The following ZMIZ2 variants were observed in gnomAD, a reference collection of about 807,000 sequenced individuals.
ZMIZ2 encodes the protein zinc finger MIZ domain-containing protein 2.
A neutral mutation model predicts 93.9 loss-of-function variants in ZMIZ2; 26 were observed. The observed-to-expected ratio is 0.28, with a 90% confidence interval of 0.20 to 0.38. The LOEUF (loss-of-function observed/expected upper bound fraction) is 0.38. Among genes scored for constraint, ZMIZ2 ranks in the 10% least tolerant of loss-of-function variants. ZMIZ2 has a pLI of 1.00. For synonymous variants in ZMIZ2, 485 were observed against 516.4 expected (o/e 0.94, Z 0.82); for missense variants, 1,023 against 1,235.0 (o/e 0.83, Z 2.57).
Position 44,765,343 on chromosome 7 carries a change from A to G in ZMIZ2, c.2006A>G (p.Tyr669Cys), listed in dbSNP as rs959227673. ...GILIYIQNSDYEEITIDPTCS... is the reference protein window; with the variant it reads ...GILIYIQNSDCEEITIDPTCS... The stretch of plus-strand genomic sequence containing the variant: ...CACCTGTCCCTGCCCAGCTCTGACT[A>G]TGAGGAGATCACCATCGACCCCACG... The change falls in exon 16 of 19, where the codon TAT becomes TGT. Residue 669 changes from tyrosine to cysteine, a missense_variant. Physicochemically the swap from Tyr to Cys is radical, Grantham distance 194 (BLOSUM62 -2). Transcript: ENST00000309315. The surrounding 1 kb of genome is among the most constrained non-coding windows in gnomAD (Gnocchi z 4.1). 6.2e-7 allele frequency: 1 copy of G among 1,613,426 alleles called. No homozygotes were observed. The highest frequency in any genetic ancestry group is 1.3e-5 in the African/African-American group (1 of 75,022).
chr7:44,749,679 C>G (rs764167529), intron 1 of ZMIZ2: 1 of 152,528 alleles, frequency 6.6e-6, no homozygotes, highest in African/African-American at 2.4e-5. Flanking sequence ...TTGTTTACCC[C>G]TCCACCTACC....
At position 44,766,283 on chromosome 7, in the gene ZMIZ2, C is replaced by A; in HGVS notation, c.2362C>A (p.Pro788Thr). The A allele has an allele frequency of 6.4e-7, 1 of 1,572,524 alleles. No individual in the cohort carries two copies. The highest frequency in any genetic ancestry group is 8.7e-7 in the Non-Finnish European group (1 of 1,155,386). ...PPPISYQSDIPSSLLTSEKST... is the reference protein window; with the variant it reads ...PPPISYQSDITSSLLTSEKST... ...CCCCATCTCCTACCAGTCTGACATT[C>A]CCAGCAGCCTCCTGACTTCAGAGAA... Residue 788 changes from proline to threonine, a missense_variant, in exon 17 of 19, where the codon CCC becomes ACC. Transcript: ENST00000309315. The surrounding 1 kb of genome is among the most constrained non-coding windows in gnomAD (Gnocchi z 4.4).
intron 1 of ZMIZ2, among the ~76,000 whole-genome samples, chr7:44,752,924 G>A (rs1429757716): frequency 1.3e-5 from 2 of 152,232 alleles, no homozygotes; most frequent in Non-Finnish European, 2.9e-5. Context: ...AGTTCCATAT[G>A]ATACGGCCAG....
At chr7:44,757,639 C>T in intron 5 of ZMIZ2, 78 bp downstream of exon 5, 1 of 1,495,624 alleles carries the variant, frequency 6.7e-7, no homozygotes, top group Non-Finnish European at 8.9e-7. Context: ...AGACAGTGGG[C>T]TCCAGGGACA....
At chr7:44,750,949 G>A (rs1476621817) in intron 1 of ZMIZ2, 4 of 152,200 alleles carry the variant, frequency 2.6e-5, no homozygotes, top group African/African-American at 4.8e-5. Flanking sequence ...CACACACAAC[G>A]CAGAACACTA....
Position 44,766,260 on chromosome 7 carries a change from C to G in ZMIZ2, c.2339C>G (p.Pro780Arg), listed in dbSNP as rs1791696290. The change falls in exon 17 of 19, where the codon CCC (proline) becomes CGC (arginine). Residue 780 changes from proline to arginine, a missense_variant. Pro to Arg is a moderately radical substitution (Grantham distance 103, BLOSUM62 -2). This residue lies in a region of ZMIZ2 where 319 missense variants were observed against 358.8 expected (regional missense o/e 0.89). Transcript: ENST00000309315. This position sits in a 1 kb window ranked among gnomAD's most constrained non-coding sequence, Gnocchi z 4.4. ...GCTGAGTTCACCCCGGGACCACCCCCCATCTCCTACCAGTCTGACATTCCC... is the reference window on the plus strand; with the variant it reads ...GCTGAGTTCACCCCGGGACCACCCCGCATCTCCTACCAGTCTGACATTCCC... Reference protein sequence around the residue: ...TLAEFTPGPPPISYQSDIPSS... With the variant: ...TLAEFTPGPPRISYQSDIPSS... 6.3e-7 allele frequency: 1 copy of G among 1,599,800 alleles called. No individual in the cohort carries two copies. Among genetic ancestry groups the G allele is most frequent in the South Asian group, 1.1e-5 (1 of 88,644 alleles).
chr7:44,761,424 C>A lies in ZMIZ2; in HGVS notation c.1241-25C>A. 6.2e-7 allele frequency: 1 copy of A among 1,608,904 alleles called. No individual in the cohort carries two copies. Among genetic ancestry groups the A allele is most frequent in the Non-Finnish European group, 8.5e-7 (1 of 1,179,080 alleles). ...ACGCTCTGGCTGGGGCAACCCAGCT[C>A]ACAGCCAGTGGCCTCTGCTCCCAGG... is the stretch of plus-strand genomic sequence containing the variant. On this transcript the variant is annotated intron_variant, in intron 9 of 18. Transcript: ENST00000309315. This position sits in a 1 kb window ranked among gnomAD's most constrained non-coding sequence, Gnocchi z 5.8.
At chr7:44,756,618 T>C in intron 3 of ZMIZ2, 79 bp downstream of exon 3, 1 of 1,473,562 alleles carries the variant, frequency 6.8e-7, no homozygotes, top group Non-Finnish European at 9.4e-7. Flanking sequence ...TCCTCAGAGC[T>C]CTGAGAGACG....
At chr7:44,758,171 T>C (rs1562731338) in intron 6 of ZMIZ2, 63 bp downstream of exon 6, 10 of 1,470,072 alleles carry the variant, frequency 6.8e-6, no homozygotes, top group East Asian at 4.9e-5. Context: ...AGGCACTCTT[T>C]AGAGCTGTGG....
chr7:44,751,086 TGAA>T (rs1190701123), intron 1 of ZMIZ2: 1 of 152,160 alleles, frequency 6.6e-6, no homozygotes. Flanking sequence ...CCCTGTGCAG[TGAA>T]GAGTAAGCTC....
At position 44,757,389 on chromosome 7, in the gene ZMIZ2, G is replaced by T; in HGVS notation, c.380G>T (p.Gly127Val). Residue 127 changes from glycine to valine, a missense_variant, in exon 5 of 19, where the codon GGC becomes GTC. By Grantham distance (109) the Gly-to-Val change is moderately radical. Around this residue, in one of 3 missense-constraint regions of ZMIZ2, gnomAD observed 656 missense variants for 777.1 expected, o/e 0.84. Transcript: ENST00000309315. The stretch of plus-strand genomic sequence containing the variant: ...TGTGTCTCCTGCAGGTATGCAGGCG[G>T]CCCGGGGGGCCTGGGCCTCCCCTCA... Reference protein sequence around the residue: ...APGFTTGYAGGPGGLGLPSHA... With the variant: ...APGFTTGYAGVPGGLGLPSHA... The T allele has an allele frequency of 6.2e-7, 1 of 1,600,522 alleles. No individual in the cohort carries two copies.
rs983716759 is a variant in ZMIZ2 at position 44,768,159 on chromosome 7, C to T, written c.*536C>T. The T allele has an allele frequency of 2.5e-5, 4 of 162,584 alleles. No individual in the cohort carries two copies. The highest frequency in any genetic ancestry group is 9.6e-5 in the African/African-American group (4 of 41,602). 10.1% of individuals were successfully genotyped at this position (162,584 alleles called of 1,614,324 possible). A position where few individuals can be genotyped will look rare whatever the true frequency, so the allele number is the denominator to read the frequency against. ...GGCAGCCTCTTGGGGGCCTGGAGCT[C>T]TGGCAGCCCAGCCGTGTGTGGTGTC... On this transcript the variant is annotated 3_prime_UTR_variant, in exon 19 of 19. Coordinates refer to ENST00000309315, the MANE Select transcript of ZMIZ2 (RefSeq NM_031449.4).
At chr7:44,755,203 C>CAGCAGGAT (rs1790488530) in intron 1 of ZMIZ2, among the ~76,000 whole-genome samples, 1 of 152,208 alleles carries the variant, frequency 6.6e-6, no homozygotes, top group Non-Finnish European at 1.5e-5. Context: ...CTGTCCTGAG[C>CAGCAGGAT]ACCAGGTCAC....
At chr7:44,759,604 C>CT in intron 7 of ZMIZ2, 144 bp downstream of exon 7, 1 of 554,624 alleles carries the variant, frequency 1.8e-6, no homozygotes, top group Non-Finnish European at 2.7e-6. Flanking sequence ...GCTCATGGAC[C>CT]ACAGCTCTAC....
Position 44,757,872 on chromosome 7 carries a change from A to G in ZMIZ2, c.577A>G (p.Ser193Gly), listed in dbSNP as rs776555251. 2 of 1,590,054 alleles carry G rather than the reference A, an allele frequency of 1.3e-6. No individual in the cohort carries two copies. The highest frequency in any genetic ancestry group is 1.7e-6 in the Non-Finnish European group (2 of 1,168,308). ...GAMGAGQSFNSQFLQHGGPRG... is the reference protein window; with the variant it reads ...GAMGAGQSFNGQFLQHGGPRG... ...GATGGGGGCCGGACAGTCTTTTAAC[A>G]GCCAGTTTCTGCAGCATGGAGGTCC... The change falls in exon 6 of 19, where the codon AGC (serine) becomes GGC (glycine). Residue 193 changes from serine to glycine, a missense_variant. Coordinates refer to ENST00000309315, the MANE Select transcript of ZMIZ2 (RefSeq NM_031449.4).
At chr7:44,764,919 G>A (rs374897396) in intron 14 of ZMIZ2, 22 bp from the exon 15 acceptor site, 109 of 1,613,998 alleles carry the variant, frequency 6.8e-5, no homozygotes, top group Admixed American at 1.3e-4. Context: ...TCTCTGAGCT[G>A]TGTCCCTTTT....
At chr7:44,750,584 C>T (rs1009133938) in intron 1 of ZMIZ2, among the ~76,000 whole-genome samples, 8 of 152,202 alleles carry the variant, frequency 5.3e-5, no homozygotes, top group Admixed American at 5.2e-4. Context: ...CTGCTCCTAG[C>T]TGACTAGGCA....
In ZMIZ2 at chr7:44,767,495, CAG is replaced by C. The variant is rs772712445; in HGVS notation, c.2656-18_2656-17del. On this transcript the variant is annotated intron_variant, in intron 18 of 18. Transcript: ENST00000309315. ...GCCAGTCAGTGACCAAAGCTGCTAACAGAGTTCACTTTGTCCTCAGCTGCTCC... is the reference window on the plus strand; with the variant it reads ...GCCAGTCAGTGACCAAAGCTGCTAACAGTTCACTTTGTCCTCAGCTGCTCC... 3.1e-6 allele frequency: 5 copies of C among 1,603,202 alleles called. No individual in the cohort carries two copies. Among genetic ancestry groups the C allele is most frequent in the Non-Finnish European group, 4.3e-6 (5 of 1,170,108 alleles).
At position 44,766,626 on chromosome 7, in the gene ZMIZ2, T is replaced by G. The variant is rs1236688167; in HGVS notation, c.2618T>G (p.Met873Arg). ...PATGVMGPPS[M>R]SGAGEAPEPA... ...ACAGGCGTGATGGGGCCCCCCAGCA[T>G]GTCTGGAGCCGGGGAGGCCCCAGAA... The change falls in exon 18 of 19, where the codon ATG becomes AGG. Residue 873 changes from methionine (M) to arginine (R), a missense_variant. Coordinates refer to ENST00000309315, the MANE Select transcript of ZMIZ2 (RefSeq NM_031449.4). This position sits in a 1 kb window ranked among gnomAD's most constrained non-coding sequence, Gnocchi z 4.4. 2 of 1,613,266 alleles carry G rather than the reference T, an allele frequency of 1.2e-6. No individual in the cohort carries two copies. The highest frequency in any genetic ancestry group is 2.2e-5 in the South Asian group (2 of 91,082).
Sources: allele counts gnomAD v4.1 joint callset (sites outside exome capture counted in the v4.1 genomes callset), GRCh38; gene constraint gnomAD v4.1.1; regional missense constraint gnomAD v4.1.1; non-coding constraint Gnocchi (gnomAD v3.1); transcripts MANE v1.5; gene names NCBI Gene and HGNC (gene_info 2026-07-23, HGNC 2026-07-21).